Variants in DOCK1 observed in about 807,000 individuals in gnomAD.
The protein encoded by DOCK1 is dedicator of cytokinesis protein 1.
In DOCK1, 138 loss-of-function variants were observed where a neutral mutation model predicts 262.7. The observed-to-expected ratio is 0.53, with a 90% confidence interval of 0.46 to 0.61. The LOEUF is 0.61. Among genes scored for constraint, DOCK1 ranks in the 20% least tolerant of loss-of-function variants. The pLI, the probability that DOCK1 is intolerant of heterozygous loss-of-function variation, is 0.00. For missense variants in DOCK1, 1,908 were observed against 2,370.7 expected, an observed-to-expected ratio of 0.80 and a Z score of 4.05; for synonymous variants, 866 against 867.4, an observed-to-expected ratio of 1.00 and a Z score of 0.03.
intron 27 of DOCK1, among the ~76,000 whole-genome samples, chr10:127,195,724 G>T (rs911446183): frequency 1.3e-5 from 2 of 152,186 alleles, no homozygotes; most frequent in African/African-American, 4.8e-5. Flanking sequence ...GCTCCTCCCT[G>T]ACGTCGCCAA....
At chr10:127,267,834 A>G (rs985691931) in intron 29 of DOCK1, among the ~76,000 whole-genome samples, 2 of 152,194 alleles carry the variant, frequency 1.3e-5, no homozygotes, top group Admixed American at 6.5e-5. Context: ...CTCCTGTGCT[A>G]CTGGGACTTG....
chr10:127,272,231 T>G (rs2060595202), intron 29 of DOCK1: 2 of 152,244 alleles, frequency 1.3e-5, no homozygotes, highest in African/African-American at 4.8e-5. Context: ...TTCTGCAGTT[T>G]GGTTGATTTA....
At chr10:127,068,318 C>T (rs1257836722) in intron 23 of DOCK1, among the ~76,000 whole-genome samples, 2 of 152,228 alleles carry the variant, frequency 1.3e-5, no homozygotes, top group Non-Finnish European at 2.9e-5. Context: ...ACTTTACTGT[C>T]CTCAGAACAA....
In DOCK1 at chr10:126,905,444, G is replaced by C; in HGVS notation, c.-74G>C. ...AACTTTTTCCTCCCCATCCTGTCGC[G>C]GCTCGAAAGGAATGGAAAATGGCGG... On this transcript the variant is annotated 5_prime_UTR_variant, in exon 1 of 52. Coordinates refer to ENST00000623213, the MANE Select transcript of DOCK1 (RefSeq NM_001290223.2). 2.2e-6 allele frequency: 1 copy of C among 458,530 alleles called. No homozygotes were observed. The highest frequency in any genetic ancestry group is 4.0e-6 in the Non-Finnish European group (1 of 248,900). 28.4% of individuals were successfully genotyped at this position (458,530 alleles called of 1,614,324 possible). A position where few individuals can be genotyped will look rare whatever the true frequency, so the allele number is the denominator to read the frequency against.
chr10:127,345,582 T>C (rs2063594926), intron 31 of DOCK1, among the ~76,000 whole-genome samples: 1 of 152,230 alleles, frequency 6.6e-6, no homozygotes, highest in African/African-American at 2.4e-5. Flanking sequence ...TAAACAGTGA[T>C]CATTGTTCAG....
chr10:127,377,891 CAAAAAAA>C (rs71490127), intron 35 of DOCK1, among the ~76,000 whole-genome samples: 4 of 104,764 alleles, frequency 3.8e-5, no homozygotes, highest in Non-Finnish European at 3.9e-5. Flanking sequence ...GACTCTGTCT[CAAAAAAA>C]AAAAAAAAAA....
intron 27 of DOCK1, among the ~76,000 whole-genome samples, chr10:127,243,560 A>G (rs2059334386): frequency 6.6e-6 from 1 of 151,672 alleles, no homozygotes; most frequent in Admixed American, 6.6e-5. Context: ...CCTGTTCTCC[A>G]TTTTTCCTAT....
chr10:127,310,517 A>G (rs1488901157), intron 29 of DOCK1, among the ~76,000 whole-genome samples: 1 of 152,196 alleles, frequency 6.6e-6, no homozygotes, highest in Non-Finnish European at 1.5e-5. Context: ...ACCCGTTTGT[A>G]TTACTTAAAC....
At chr10:127,290,242 T>G (rs1051688303) in intron 29 of DOCK1, among the ~76,000 whole-genome samples, 2 of 152,200 alleles carry the variant, frequency 1.3e-5, no homozygotes, top group African/African-American at 4.8e-5. Flanking sequence ...TATACAGACT[T>G]AATTGAAGGT....
At chr10:127,081,773 T>TA (rs367678373) in intron 23 of DOCK1, among the ~76,000 whole-genome samples, 299 of 152,224 alleles carry the variant, frequency 2.0e-3, no homozygotes, top group African/African-American at 6.9e-3. Flanking sequence ...GAGTTCTTTC[T>TA]AAAAAAATCA....
At position 127,211,720 on chromosome 10, in the gene DOCK1, T is replaced by G. The variant is rs548741841; in HGVS notation, c.2848-36288T>G. Among the ~76,000 whole-genome samples the G allele has an allele frequency of 1.4e-4, 21 of 152,294 alleles. No individual in the cohort carries two copies. In the South Asian group the frequency reaches 2.9e-3, roughly 21 times the overall value. On this transcript the variant is annotated intron_variant, in intron 27 of 51. Transcript: ENST00000623213. ...TACTGAAAATAACGCATGTACCTGG[T>G]GAAAAGTGAAGACGTCATGACAGAG... is the stretch of plus-strand genomic sequence containing the variant.
intron 13 of DOCK1, among the ~76,000 whole-genome samples, chr10:127,020,812 T>A (rs1202697867): frequency 1.3e-5 from 2 of 152,116 alleles, no homozygotes; most frequent in African/African-American, 4.8e-5. Context: ...TCGCTGTCTT[T>A]AGCCTGCAGA....
Position 127,404,520 on chromosome 10 carries a change from C to A in DOCK1, c.4122+91C>A, listed in dbSNP as rs1381127235. 8 of 1,272,594 alleles carry A rather than the reference C, an allele frequency of 6.3e-6. No individual in the cohort carries two copies. In the East Asian group the frequency reaches 1.8e-4, roughly 28 times the overall value. The allele number at this position is 1,272,594 out of a possible 1,614,324, so 78.8% of individuals were successfully genotyped here. On this transcript the variant is annotated intron_variant, in intron 40 of 51. Coordinates refer to ENST00000623213, the MANE Select transcript of DOCK1 (RefSeq NM_001290223.2). ...CTGAGGAAGGGTGGGGAGTTTGCAT[C>A]CGCGTGGGATCGTGCAACTCTCTAC...
chr10:127,003,876 C>T (rs2040785712), intron 10 of DOCK1, among the ~76,000 whole-genome samples: 1 of 152,066 alleles, frequency 6.6e-6, no homozygotes, highest in Admixed American at 6.5e-5. Context: ...GTTGCTTGAA[C>T]CTGGGAGGCG....
chr10:127,133,414 G>A (rs1476555610), intron 27 of DOCK1, among the ~76,000 whole-genome samples: 1 of 152,292 alleles, frequency 6.6e-6, no homozygotes, highest in South Asian at 2.1e-4. Flanking sequence ...CAGTGTCTGG[G>A]TTTTGTATAG....
At chr10:126,915,434 G>GT (rs1356161863) in intron 1 of DOCK1, among the ~76,000 whole-genome samples, 4 of 149,624 alleles carry the variant, frequency 2.7e-5, no homozygotes, top group Non-Finnish European at 4.5e-5. Context: ...TGGGGGCGGG[G>GT]GGGGGATGGA....
At chr10:127,063,377 T>C (rs768817185) in intron 23 of DOCK1, among the ~76,000 whole-genome samples, 1 of 152,136 alleles carries the variant, frequency 6.6e-6, no homozygotes, top group Non-Finnish European at 1.5e-5. Context: ...GAAACCAGCA[T>C]AAGTAGACAT....
chr10:126,924,809 G>C (rs1310777154), intron 1 of DOCK1, among the ~76,000 whole-genome samples: 1 of 152,226 alleles, frequency 6.6e-6, no homozygotes, highest in African/African-American at 2.4e-5. Context: ...GGATTAATGT[G>C]TAAAGAGCCT....
At chr10:126,984,020 T>G (rs1005179886) in intron 4 of DOCK1, among the ~76,000 whole-genome samples, 2 of 152,166 alleles carry the variant, frequency 1.3e-5, no homozygotes, top group Admixed American at 6.5e-5. Context: ...GCTCTTATCC[T>G]CTTCTTATTA....
Sources: gnomAD v4.1 joint callset for allele counts (sites outside exome capture counted in the v4.1 genomes callset) on GRCh38, gnomAD v4.1.1 for gene constraint, MANE v1.5 for transcripts, NCBI Gene and HGNC (gene_info 2026-07-23, HGNC 2026-07-21) for gene names.